LARP1: variants seen among roughly 807,000 people sequenced by gnomAD.
The protein encoded by LARP1 is La ribonucleoprotein 1, translational regulator.
In LARP1, 36 loss-of-function variants were observed where a neutral mutation model predicts 122.7. The observed-to-expected ratio is 0.29, with a 90% CI of 0.22 to 0.39. LARP1 has a LOEUF of 0.39. Among genes scored for constraint, LARP1 ranks in the 10% least tolerant of loss-of-function variants. The pLI, the probability that LARP1 is intolerant of heterozygous loss-of-function variation, is 1.00. For synonymous variants in LARP1, 539 were observed against 528.7 expected (o/e 1.02, Z -0.27); for missense variants, 1,040 against 1,403.6 (o/e 0.74, Z 4.14).
At chr5:154,733,690 G>A (rs1405936473) in intron 1 of LARP1, among the ~76,000 whole-genome samples, 1 of 151,654 alleles carries the variant, frequency 6.6e-6, no homozygotes, top group Non-Finnish European at 1.5e-5. Context: ...AGCCTCCTGC[G>A]TAGCTGGGAT....
chr5:154,687,850 T>C (rs1341412364), intron 1 of LARP1, among the ~76,000 whole-genome samples: 1 of 152,198 alleles, frequency 6.6e-6, no homozygotes, highest in Non-Finnish European at 1.5e-5. Context: ...GCTCTGCCTC[T>C]TGTCAGGGCC....
At chr5:154,696,370 GCAA>G (rs71843170) in intron 1 of LARP1, among the ~76,000 whole-genome samples, 67,065 of 151,578 alleles carry the variant, frequency 0.44, 15,930 homozygotes, top group Non-Finnish European at 0.54. Flanking sequence ...AACAACAACA[GCAA>G]CAACAACAAA....
In LARP1 at chr5:154,795,290, C is replaced by T; in HGVS notation, c.1348C>T (p.Leu450Phe). The change falls in exon 8 of 19, where the codon CTT becomes TTT. Residue 450 changes from leucine (L) to phenylalanine (F), a missense_variant. Physicochemically the swap from Leu to Phe is conservative, Grantham distance 22. Coordinates refer to ENST00000518297, the MANE Select transcript of LARP1 (RefSeq NM_033551.3). ...LIASFHRVQA[L>F]TTDISLIFAA... is the part of the protein sequence containing the mutation. Reference sequence around the variant, plus strand: ...TGCTTCCTTCCACCGAGTGCAGGCCCTTACCACTGACATTTCACTCATCTT... The same window carrying T: ...TGCTTCCTTCCACCGAGTGCAGGCCTTTACCACTGACATTTCACTCATCTT... 1 of 1,614,098 alleles carries T rather than the reference C, an allele frequency of 6.2e-7. No homozygotes were observed. The highest frequency in any genetic ancestry group is 8.5e-7 in the Non-Finnish European group (1 of 1,179,966).
chr5:154,701,234 A>G (rs1582160576), intron 1 of LARP1, among the ~76,000 whole-genome samples: 1 of 152,180 alleles, frequency 6.6e-6, no homozygotes, highest in Non-Finnish European at 1.5e-5. Flanking sequence ...TTTGGCAGAC[A>G]GCTAAGTAAC....
In LARP1 at chr5:154,755,916, T is replaced by C; in HGVS notation, c.159T>C (p.Ala53=). 1 of 1,004,252 alleles carries C rather than the reference T, an allele frequency of 1.0e-6. No individual in the cohort carries two copies. The allele number at this position is 1,004,252 out of a possible 1,614,324, so 62.2% of individuals were successfully genotyped here. A position where few individuals can be genotyped will look rare whatever the true frequency, so the allele number is the denominator to read the frequency against. Residue 53 remains alanine, a synonymous_variant, in exon 1 of 19, where the codon GCT becomes GCC. Coordinates refer to ENST00000518297, the MANE Select transcript of LARP1 (RefSeq NM_033551.3). ...GCGGGGGGGAGCCGGACGGCAGCGCTCGGAGACCCCGGCCGCCCTGCGCCA... is the reference window on the plus strand; with the variant it reads ...GCGGGGGGGAGCCGGACGGCAGCGCCCGGAGACCCCGGCCGCCCTGCGCCA... The part of the protein sequence containing the change: ...DVRGGEPDGS[A]RRPRPPCAKP...
intron 1 of LARP1, among the ~76,000 whole-genome samples, chr5:154,769,346 C>T (rs1004257915): frequency 1.3e-5 from 2 of 152,182 alleles, no homozygotes; most frequent in African/African-American, 2.4e-5. Flanking sequence ...AGGCTTCCTT[C>T]CAACATGAGG....
intron 1 of LARP1, among the ~76,000 whole-genome samples, chr5:154,735,629 C>T (rs750042006): frequency 3.3e-5 from 5 of 151,036 alleles, no homozygotes; most frequent in South Asian, 2.1e-4. Flanking sequence ...ATTGTAGTGG[C>T]GTGATCTCGG....
intron 1 of LARP1, among the ~76,000 whole-genome samples, chr5:154,782,017 A>C (rs1006629289): frequency 2.6e-5 from 4 of 152,130 alleles, no homozygotes; most frequent in Non-Finnish European, 5.9e-5. Flanking sequence ...GGCACTTTAC[A>C]TTGGGCAGTC....
intron 8 of LARP1, among the ~76,000 whole-genome samples, chr5:154,797,224 T>G (rs78713893): frequency 1.7e-4 from 16 of 93,200 alleles, no homozygotes; most frequent in East Asian, 1.1e-3. Flanking sequence ...TGTTGTTGTT[T>G]TTTTTTTTTT....
chr5:154,790,353 G>A lies in LARP1; in HGVS notation c.465G>A (p.Arg155=), dbSNP rs1757244554. The change falls in exon 2 of 19, where the codon AGG becomes AGA. Residue 155 remains arginine (R), a synonymous_variant. Coordinates refer to ENST00000518297, the MANE Select transcript of LARP1 (RefSeq NM_033551.3). ...ACTCTGCTCCAGCCAAGGTGGTGAG[G>A]GCAGCTGTTCCTAAACAGCGCAAAG... The part of the protein sequence containing the change: ...PEHSAPAKVV[R]AAVPKQRKGS... The A allele has an allele frequency of 3.1e-6, 5 of 1,613,578 alleles. No homozygotes were observed. Among genetic ancestry groups the A allele is most frequent in the Admixed American group, 1.7e-5 (1 of 59,940 alleles).
At chr5:154,685,832 A>G in intron 1 of LARP1, 2 of 511,198 alleles carry the variant, frequency 3.9e-6, no homozygotes, top group East Asian at 5.6e-5. Context: ...TAAATTTTAG[A>G]GACGGGGTCT....
intron 1 of LARP1, among the ~76,000 whole-genome samples, chr5:154,707,586 T>C (rs1410892520): frequency 6.6e-6 from 1 of 152,162 alleles, no homozygotes; most frequent in Non-Finnish European, 1.5e-5. Flanking sequence ...TCCTTAACCT[T>C]TTTGGCACCA....
rs752402471 is a variant in LARP1, at chr5:154,814,068, A to G, written c.3263A>G (p.His1088Arg). ...GAAGATGCCAAATGGACAAGCCAGC[A>G]CTCGAACACACAGACTTTGGGAAAG... The part of the protein sequence containing the change: ...VREDAKWTSQ[H>R]SNTQTLGK Residue 1088 changes from histidine (H) to arginine (R), a missense_variant, in exon 19 of 19, where the codon CAC becomes CGC. Physicochemically the swap from His to Arg is conservative, Grantham distance 29. This residue lies in a region of LARP1 where 129 missense variants were observed against 160.8 expected (regional missense o/e 0.80). Transcript: ENST00000518297. 1 of 1,614,022 alleles carries G rather than the reference A, an allele frequency of 6.2e-7. No homozygotes were observed. Among genetic ancestry groups the G allele is most frequent in the Admixed American group, 1.7e-5 (1 of 60,002 alleles).
At chr5:154,705,892 A>G (rs1754924203) in intron 1 of LARP1, among the ~76,000 whole-genome samples, 1 of 152,206 alleles carries the variant, frequency 6.6e-6, no homozygotes, top group Non-Finnish European at 1.5e-5. Context: ...AAAATAAATC[A>G]TTTTATCAAA....
At chr5:154,807,962 A>C (rs925245610) in intron 15 of LARP1, among the ~76,000 whole-genome samples, 2 of 151,934 alleles carry the variant, frequency 1.3e-5, no homozygotes, top group Non-Finnish European at 2.9e-5. Flanking sequence ...TTATCTTTTC[A>C]CTTTTTTGAT....
At chr5:154,755,171 G>T (rs566317454), upstream of LARP1, among the ~76,000 whole-genome samples, 1 of 150,496 alleles carries the variant, frequency 6.6e-6, no homozygotes, top group African/African-American at 2.5e-5. Flanking sequence ...AATCGGAGAC[G>T]AGGGGCGGGG....
In LARP1 at chr5:154,802,733, TA is replaced by T. The variant is rs1451522007; in HGVS notation, c.2109+339del. On this transcript the variant is annotated intron_variant, in intron 11 of 18. Coordinates refer to ENST00000518297, the MANE Select transcript of LARP1 (RefSeq NM_033551.3). The surrounding 1 kb of genome is among the most constrained non-coding windows in gnomAD (Gnocchi z 5.1). ...TTCTAGTCTTAAATATTTAGGCATCTAAAAATTTAGAAGCCTTTTAAGAAGC... is the reference window on the plus strand; with the variant it reads ...TTCTAGTCTTAAATATTTAGGCATCTAAAATTTAGAAGCCTTTTAAGAAGC... 6.6e-6 allele frequency among the ~76,000 whole-genome samples: 1 copy of T among 152,210 alleles called. No individual in the cohort carries two copies. Among genetic ancestry groups the T allele is most frequent in the Non-Finnish European group, 1.5e-5 (1 of 68,042 alleles).
chr5:154,796,121 T>TATTTTATATATTTATATATTA (rs1757811970), intron 8 of LARP1, among the ~76,000 whole-genome samples: 3 of 104,246 alleles, frequency 2.9e-5, no homozygotes, highest in African/African-American at 1.2e-4. Flanking sequence ...AGTATATATA[T>TATTTTATATATTTATATATTA]TATATATATT....
At chr5:154,776,832 A>G (rs1368039809) in intron 1 of LARP1, among the ~76,000 whole-genome samples, 3 of 152,246 alleles carry the variant, frequency 2.0e-5, no homozygotes, top group Non-Finnish European at 4.4e-5. Flanking sequence ...CCTTCTGCTC[A>G]GGAACTCCTG....
Sources: allele counts gnomAD v4.1 joint callset (sites outside exome capture counted in the v4.1 genomes callset), GRCh38; gene constraint gnomAD v4.1.1; regional missense constraint gnomAD v4.1.1; non-coding constraint Gnocchi (gnomAD v3.1); transcripts MANE v1.5; gene names NCBI Gene and HGNC (gene_info 2026-07-23, HGNC 2026-07-21).